The following ANKRD33B variants were observed in gnomAD, a reference collection of about 807,000 sequenced individuals.
ANKRD33B encodes ankyrin repeat domain-containing protein 33B.
ANKRD33B carries 6 observed loss-of-function variants against 21.5 expected under a neutral mutation model. That is an observed-to-expected ratio of 0.28 (90% CI 0.15 to 0.55). The LOEUF (loss-of-function observed/expected upper bound fraction) is 0.55, where lower values mean the gene tolerates loss of function less well. Ranked by LOEUF, ANKRD33B falls within the 20% of genes least tolerant of loss-of-function variation. The pLI, the probability that ANKRD33B is intolerant of heterozygous loss-of-function variation, is 0.94. For missense variants in ANKRD33B, 698 were observed against 747.2 expected (o/e 0.93, Z 0.77); for synonymous variants, 347 against 342.4 (o/e 1.01, Z -0.15).
chr5:10,608,718 T>G (rs945168384), intron 1 of ANKRD33B, among the ~76,000 whole-genome samples: 6 of 150,176 alleles, frequency 4.0e-5, no homozygotes, highest in Non-Finnish European at 8.9e-5. Context: ...ATCTTTAGGG[T>G]TTTTGAATGG....
chr5:10,650,192 C>T lies in ANKRD33B; in HGVS notation c.*79C>T. 1 of 1,365,314 alleles carries T rather than the reference C, an allele frequency of 7.3e-7. No individual in the cohort carries two copies. Among genetic ancestry groups the T allele is most frequent in the Non-Finnish European group, 9.5e-7 (1 of 1,054,922 alleles). 84.6% of individuals were successfully genotyped at this position (1,365,314 alleles called of 1,614,324 possible). A position where few individuals can be genotyped will look rare whatever the true frequency, so the allele number is the denominator to read the frequency against. On this transcript the variant is annotated 3_prime_UTR_variant, in exon 4 of 4. Transcript: ENST00000296657. ...GGCTGGGCGCGGAGAAGGAGGCGGC[C>T]CCGTTGCGCATCGCACCACTTCCGC...
chr5:10,620,614 T>C (rs538899167), intron 2 of ANKRD33B, among the ~76,000 whole-genome samples: 245 of 152,324 alleles, frequency 1.6e-3, no homozygotes, highest in Non-Finnish European at 2.9e-3. Flanking sequence ...ACCCATGAGG[T>C]GCTTTCCAGA....
rs12716075 is a variant in ANKRD33B at position 10,649,006 on chromosome 5, G to T, written c.638-260G>T. Among the ~76,000 whole-genome samples, 196 of 152,330 alleles carry T rather than the reference G, an allele frequency of 1.3e-3. 1 individual carries two copies. The highest frequency in any genetic ancestry group is 4.4e-3 in the African/African-American group (184 of 41,588). ...GGCGGTGGTGTAGCCCCAGCTACTC[G>T]GGAGGCTGACTTGGGGGGATGGCTT... On this transcript the variant is annotated intron_variant, in intron 3 of 3. Transcript: ENST00000296657.
intron 1 of ANKRD33B, among the ~76,000 whole-genome samples, chr5:10,588,007 C>A (rs1735605122): frequency 6.6e-6 from 1 of 152,140 alleles, no homozygotes; most frequent in African/African-American, 2.4e-5. Flanking sequence ...ACCCAGTTTT[C>A]CTTCCACCAA....
At chr5:10,590,589 T>TGCGC (rs34685376) in intron 1 of ANKRD33B, among the ~76,000 whole-genome samples, 1 of 150,316 alleles carries the variant, frequency 6.7e-6, no homozygotes, top group African/African-American at 2.4e-5. Flanking sequence ...TATTTTGAGA[T>TGCGC]GCGCGCGCGC....
intron 2 of ANKRD33B, among the ~76,000 whole-genome samples, chr5:10,622,357 A>G (rs1423088053): frequency 6.6e-6 from 1 of 152,202 alleles, no homozygotes; most frequent in Non-Finnish European, 1.5e-5. Flanking sequence ...AGAATCAGAA[A>G]TTAGAATACC....
chr5:10,632,319 C>T (rs996371808), intron 2 of ANKRD33B, among the ~76,000 whole-genome samples: 8 of 152,204 alleles, frequency 5.3e-5, no homozygotes, highest in Non-Finnish European at 8.8e-5. Flanking sequence ...AAAAATTTAA[C>T]ATTTTCCCCA....
chr5:10,594,186 T>C (rs937484505), intron 1 of ANKRD33B, among the ~76,000 whole-genome samples: 3 of 151,642 alleles, frequency 2.0e-5, no homozygotes, highest in Non-Finnish European at 2.9e-5. Flanking sequence ...TCTCCAATAC[T>C]GCAGAAAATA....
chr5:10,657,199 T>C lies in ANKRD33B; in HGVS notation c.*7086T>C, dbSNP rs1437329797. 6.6e-6 allele frequency: 1 copy of C among 152,366 alleles called. No homozygotes were observed. The highest frequency in any genetic ancestry group is 1.9e-4 in the East Asian group (1 of 5,338). The allele number at this position is 152,366 out of a possible 1,614,324, so 9.4% of individuals were successfully genotyped here. A position where few individuals can be genotyped will look rare whatever the true frequency, so the allele number is the denominator to read the frequency against. The stretch of plus-strand genomic sequence containing the variant: ...ATATGACCAGCAAGCCCGTGAGCCT[T>C]TGGGGCATCCGACTGAATTTGAAAA... On this transcript the variant is annotated 3_prime_UTR_variant, in exon 4 of 4. Coordinates refer to ENST00000296657, the MANE Select transcript of ANKRD33B (RefSeq NM_001164440.2).
chr5:10,604,170 G>C (rs1210148609), intron 1 of ANKRD33B, among the ~76,000 whole-genome samples: 2 of 146,972 alleles, frequency 1.4e-5, no homozygotes, highest in Admixed American at 6.9e-5. Flanking sequence ...GGGATTACAG[G>C]TGTGAGCCAC....
At chr5:10,588,939 C>A (rs1416461541) in intron 1 of ANKRD33B, among the ~76,000 whole-genome samples, 1 of 152,156 alleles carries the variant, frequency 6.6e-6, no homozygotes, top group African/African-American at 2.4e-5. Context: ...ATGAATACTG[C>A]CTCAGCGTCC....
chr5:10,574,289 A>G (rs548277303), intron 1 of ANKRD33B, among the ~76,000 whole-genome samples: 334 of 152,386 alleles, frequency 2.2e-3, no homozygotes, highest in African/African-American at 7.8e-3. Flanking sequence ...ATTTGGAGAA[A>G]AATTTCACAT....
At chr5:10,633,987 G>A (rs1233424984) in intron 2 of ANKRD33B, among the ~76,000 whole-genome samples, 2 of 152,198 alleles carry the variant, frequency 1.3e-5, no homozygotes, top group Non-Finnish European at 2.9e-5. Context: ...AAGGAGGGGG[G>A]AACACGTTCT....
At chr5:10,636,308 G>T (rs1382598618) in intron 2 of ANKRD33B, among the ~76,000 whole-genome samples, 1 of 152,302 alleles carries the variant, frequency 6.6e-6, no homozygotes, top group South Asian at 2.1e-4. Flanking sequence ...CTGCGTCATC[G>T]GTGCATAAGA....
intron 1 of ANKRD33B, among the ~76,000 whole-genome samples, chr5:10,616,000 T>A: frequency 6.6e-6 from 1 of 152,330 alleles, no homozygotes; most frequent in Non-Finnish European, 1.5e-5. Flanking sequence ...AATTAGATTA[T>A]TGTGAAACAT....
At chr5:10,608,385 A>G (rs1736097161) in intron 1 of ANKRD33B, among the ~76,000 whole-genome samples, 2 of 150,844 alleles carry the variant, frequency 1.3e-5, no homozygotes, top group East Asian at 1.9e-4. Flanking sequence ...GAGCCGTGGT[A>G]GTTCTGAAGG....
At chr5:10,572,103 G>A (rs1453389106) in intron 1 of ANKRD33B, among the ~76,000 whole-genome samples, 1 of 152,124 alleles carries the variant, frequency 6.6e-6, no homozygotes, top group Non-Finnish European at 1.5e-5. Context: ...TGGCCAGGCT[G>A]GTCTCGAACT....
chr5:10,603,865 T>A lies in ANKRD33B; in HGVS notation c.367-14468T>A, dbSNP rs957970990. Among the ~76,000 whole-genome samples, 16 of 152,196 alleles carry A rather than the reference T, an allele frequency of 1.1e-4. No individual in the cohort carries two copies. In the South Asian group the frequency reaches 1.2e-3, roughly 12 times the overall value. On this transcript the variant is annotated intron_variant, in intron 1 of 3. Coordinates refer to ENST00000296657, the MANE Select transcript of ANKRD33B (RefSeq NM_001164440.2). The stretch of plus-strand genomic sequence containing the variant: ...TATACCATAGAAAAATGTTTTTTTT[T>A]AAACTTTTTAAAATAATTTCAAAAG...
At chr5:10,627,298 C>T (rs936283149) in intron 2 of ANKRD33B, 3 of 152,222 alleles carry the variant, frequency 2.0e-5, no homozygotes, top group African/African-American at 7.2e-5. Context: ...CCTTGTTGTG[C>T]TTTAACAGAA....
Sources: allele counts gnomAD v4.1 joint callset (sites outside exome capture counted in the v4.1 genomes callset), GRCh38; gene constraint gnomAD v4.1.1; transcripts MANE v1.5; gene names NCBI Gene and HGNC (gene_info 2026-07-23, HGNC 2026-07-21).